RNF130: variants seen among roughly 807,000 people sequenced by gnomAD.
RNF130 encodes E3 ubiquitin-protein ligase RNF130.
Under a neutral mutation model 44.6 loss-of-function variants are expected in RNF130, and 21 were observed. The observed-to-expected ratio is 0.47, with a 90% CI of 0.33 to 0.68. The LOEUF is 0.68. Among genes scored for constraint, RNF130 ranks in the 30% least tolerant of loss-of-function variants. The probability of loss-of-function intolerance (pLI) is 0.02; values close to 1 mark genes in which losing one functional copy is unlikely to be tolerated. For synonymous variants in RNF130, 214 were observed against 210.4 expected (o/e 1.02, Z -0.15); for missense variants, 479 against 560.6 (o/e 0.85, Z 1.47).
chr5:179,942,482 A>C lies in RNF130; in HGVS notation c.1151-22056T>G, dbSNP rs148507073. ...ATTATATGTTCTTAGTCTCGAATTT[A>C]AGTAACTGTTTTTGGATTAAGTTCT... is the stretch of plus-strand genomic sequence containing the variant. On this transcript the variant is annotated intron_variant, in intron 7 of 7. Transcript: ENST00000522208. Among the ~76,000 whole-genome samples the C allele has an allele frequency of 5.8e-3, 885 of 152,294 alleles. 8 individuals are homozygous for C. The highest frequency in any genetic ancestry group is 0.02 in the African/African-American group (828 of 41,562).
At chr5:180,033,005 C>T (rs1417858539) in intron 2 of RNF130, among the ~76,000 whole-genome samples, 1 of 151,452 alleles carries the variant, frequency 6.6e-6, no homozygotes, top group Middle Eastern at 3.2e-3. Context: ...GACAGGGTCT[C>T]GCTCTGTTGC....
chr5:179,921,600 C>T (rs1489860158), intron 7 of RNF130, among the ~76,000 whole-genome samples: 5 of 152,110 alleles, frequency 3.3e-5, no homozygotes, highest in South Asian at 2.1e-4. Context: ...GAGTTCAAGA[C>T]CAGCTTCAAC....
At chr5:179,967,638 C>T (rs1057031401) in intron 6 of RNF130, among the ~76,000 whole-genome samples, 4 of 151,724 alleles carry the variant, frequency 2.6e-5, no homozygotes, top group African/African-American at 9.8e-5. Context: ...AAAAGTCTTC[C>T]GTTGTAACAA....
At chr5:180,051,183 A>G (rs1764678333) in intron 1 of RNF130, among the ~76,000 whole-genome samples, 1 of 152,160 alleles carries the variant, frequency 6.6e-6, no homozygotes, top group Admixed American at 6.5e-5. Context: ...TACCAATTGT[A>G]AATAAAAAGG....
chr5:179,924,030 T>G (rs569979067), intron 7 of RNF130, among the ~76,000 whole-genome samples: 19 of 152,272 alleles, frequency 1.2e-4, no homozygotes, highest in African/African-American at 4.6e-4. Context: ...TTTTCTATAT[T>G]AAAAGTCTTC....
chr5:180,069,928 G>A (rs1765206660), intron 1 of RNF130, among the ~76,000 whole-genome samples: 1 of 152,162 alleles, frequency 6.6e-6, no homozygotes. Context: ...CAAGCAACAA[G>A]TAGCTGAAGC....
intron 3 of RNF130, among the ~76,000 whole-genome samples, chr5:179,998,859 T>TTATATATATATATATATATATATA (rs61232613): frequency 1.0e-4 from 9 of 88,706 alleles, no homozygotes; most frequent in East Asian, 3.2e-4. Flanking sequence ...CTAGTATTTT[T>TTATATATATATATATATATATATA]TATATATATA....
intron 3 of RNF130, among the ~76,000 whole-genome samples, chr5:179,997,324 TTTATA>T (rs1446345982): frequency 8.6e-5 from 13 of 151,684 alleles, no homozygotes; most frequent in Admixed American, 7.2e-4. Flanking sequence ...TATTTATTTA[TTTATA>T]TTATATTTTT....
intron 2 of RNF130, among the ~76,000 whole-genome samples, chr5:180,024,496 A>G (rs895287255): frequency 6.6e-6 from 1 of 152,184 alleles, no homozygotes; most frequent in Non-Finnish European, 1.5e-5. Flanking sequence ...ACTTCTCATC[A>G]GAAAAAAACG....
chr5:179,976,912 A>T (rs1442188979), intron 5 of RNF130: 1 of 152,122 alleles, frequency 6.6e-6, no homozygotes, highest in East Asian at 1.9e-4. Flanking sequence ...GTGATTTCCT[A>T]TTTATCCAAT....
chr5:180,006,652 G>A (rs1421847873), intron 3 of RNF130, among the ~76,000 whole-genome samples: 4 of 152,204 alleles, frequency 2.6e-5, no homozygotes, highest in South Asian at 4.1e-4. Context: ...CATCTGCCCC[G>A]TTCCTAAACA....
intron 3 of RNF130, among the ~76,000 whole-genome samples, chr5:179,989,173 T>A (rs543126207): frequency 2.0e-5 from 3 of 152,204 alleles, no homozygotes; most frequent in Non-Finnish European, 2.9e-5. Flanking sequence ...CTTATAAAAC[T>A]ATCCCATCAG....
At chr5:179,948,341 GTC>G (rs1289532020) in intron 7 of RNF130, among the ~76,000 whole-genome samples, 2 of 152,158 alleles carry the variant, frequency 1.3e-5, no homozygotes, top group Non-Finnish European at 2.9e-5. Context: ...TGGAATGGTG[GTC>G]TCTGTTTCAC....
intron 7 of RNF130, among the ~76,000 whole-genome samples, chr5:179,931,855 G>C (rs1372830460): frequency 6.6e-6 from 1 of 152,044 alleles, no homozygotes; most frequent in African/African-American, 2.4e-5. Flanking sequence ...TGACTGTAGA[G>C]TACCTTCAAA....
intron 3 of RNF130, among the ~76,000 whole-genome samples, chr5:179,990,298 G>A (rs1190726971): frequency 6.6e-6 from 1 of 152,188 alleles, no homozygotes; most frequent in Non-Finnish European, 1.5e-5. Context: ...GCCCTTCCCT[G>A]TTAGGTAGCC....
At chr5:179,957,947 G>A (rs1047754417) in intron 8 of RNF130, among the ~76,000 whole-genome samples, 32 of 151,016 alleles carry the variant, frequency 2.1e-4, no homozygotes, top group Admixed American at 1.3e-3. Flanking sequence ...GCGGGATCTC[G>A]GCTCACTGCA....
rs1222180184 is a variant in RNF130 at position 179,978,189 on chromosome 5, T to C, written c.848+14A>G. On this transcript the variant is annotated intron_variant, in intron 5 of 8. Coordinates refer to ENST00000521389, the MANE Select transcript of RNF130 (RefSeq NM_018434.6). The stretch of plus-strand genomic sequence containing the variant: ...TTAATATCATTCTTTCTCAAACAAA[T>C]GAAGTTGACATACTTGCAGGGGAGA... 4.4e-6 allele frequency: 7 copies of C among 1,596,784 alleles called. No homozygotes were observed. Among genetic ancestry groups the C allele is most frequent in the East Asian group, 2.2e-5 (1 of 44,816 alleles).
intron 7 of RNF130, among the ~76,000 whole-genome samples, chr5:179,946,632 C>T (rs1185659609): frequency 2.0e-5 from 3 of 151,410 alleles, no homozygotes; most frequent in African/African-American, 7.3e-5. Context: ...TGGCTCACTG[C>T]AAGCTCCGCC....
intron 7 of RNF130, among the ~76,000 whole-genome samples, chr5:179,937,933 T>TGTGAGA (rs1268947878): frequency 0.012 from 1,346 of 116,222 alleles, 5 homozygotes; most frequent in Non-Finnish European, 0.016. Flanking sequence ...TGTGTGTGTG[T>TGTGAGA]GAGAGAGAGA....
Sources: gnomAD v4.1 joint callset for allele counts (sites outside exome capture counted in the v4.1 genomes callset) on GRCh38, gnomAD v4.1.1 for gene constraint, MANE v1.5 for transcripts, NCBI Gene and HGNC (gene_info 2026-07-23, HGNC 2026-07-21) for gene names.